The following DLC1 variants were observed in gnomAD, a reference collection of about 807,000 sequenced individuals.
DLC1 encodes the protein DLC1 Rho GTPase activating protein, also known as rho GTPase-activating protein 7.
DLC1 carries 54 observed loss-of-function variants against 140.3 expected under a neutral mutation model. The observed-to-expected ratio is 0.38, with a 90% CI of 0.31 to 0.48. DLC1 has a LOEUF of 0.48. Among genes scored for constraint, DLC1 ranks in the 20% least tolerant of loss-of-function variants. The pLI, the probability that DLC1 is intolerant of heterozygous loss-of-function variation, is 0.96. For synonymous variants in DLC1, 986 were observed against 728.1 expected, an observed-to-expected ratio of 1.35 and a Z score of -5.70; for missense variants, 2,536 against 1,907.0, an observed-to-expected ratio of 1.33 and a Z score of -6.14.
chr8:13,452,917 T>G (rs1799135267), intron 2 of DLC1, among the ~76,000 whole-genome samples: 1 of 152,180 alleles, frequency 6.6e-6, no homozygotes, highest in African/African-American at 2.4e-5. Context: ...CGGATGAGAA[T>G]GGCCATGATA....
At chr8:13,242,940 G>T (rs946088069) in intron 5 of DLC1, among the ~76,000 whole-genome samples, 18 of 152,004 alleles carry the variant, frequency 1.2e-4, no homozygotes, top group African/African-American at 4.3e-4. Context: ...TTAGAAGAGG[G>T]ACCTGGTGGG....
chr8:13,238,533 A>G (rs1208706144), intron 5 of DLC1, among the ~76,000 whole-genome samples: 2 of 151,766 alleles, frequency 1.3e-5, no homozygotes, highest in African/African-American at 2.4e-5. Flanking sequence ...AGAAAGAAAA[A>G]AAAAAGTGCT....
Position 13,111,124 on chromosome 8 carries a change from T to A in DLC1, c.1421-301A>T, listed in dbSNP as rs188253880. Among the ~76,000 whole-genome samples, 4 of 152,306 alleles carry A rather than the reference T, an allele frequency of 2.6e-5. No individual in the cohort carries two copies. In the East Asian group the frequency reaches 7.7e-4, roughly 29 times the overall value. ...AAATCAGCAGGCAATGAGTCCCCAG[T>A]AGAAATTATAATTTAAGCCACAAAG... On this transcript the variant is annotated intron_variant, in intron 6 of 17. Coordinates refer to ENST00000276297, the MANE Select transcript of DLC1 (RefSeq NM_182643.3).
At chr8:13,303,291 G>C (rs978690862) in intron 5 of DLC1, among the ~76,000 whole-genome samples, 1 of 152,116 alleles carries the variant, frequency 6.6e-6, no homozygotes, top group African/African-American at 2.4e-5. Flanking sequence ...CCTGGGGCCT[G>C]TGGAGATCAC....
Position 13,098,588 on chromosome 8 carries a change from A to G in DLC1, c.2991-13T>C. 6.2e-7 allele frequency: 1 copy of G among 1,608,834 alleles called. No homozygotes were observed. Among genetic ancestry groups the G allele is most frequent in the Non-Finnish European group, 8.5e-7 (1 of 1,177,920 alleles). On this transcript the variant is annotated splice_polypyrimidine_tract_variant and intron_variant, in intron 9 of 17. Transcript: ENST00000276297. ...TCTCAGTCGGTGCCTGCGAGAGAAGAGGAGAGGAAAATGAGTGTGAAGCCT... is the reference window on the plus strand; with the variant it reads ...TCTCAGTCGGTGCCTGCGAGAGAAGGGGAGAGGAAAATGAGTGTGAAGCCT...
At chr8:13,345,486 C>G (rs1002862263) in intron 4 of DLC1, among the ~76,000 whole-genome samples, 11 of 145,248 alleles carry the variant, frequency 7.6e-5, no homozygotes, top group African/African-American at 2.8e-4. Context: ...CCAGGGATCT[C>G]TTGGAAGAGA....
chr8:13,357,330 C>G (rs946979769), intron 4 of DLC1, among the ~76,000 whole-genome samples: 1 of 152,164 alleles, frequency 6.6e-6, no homozygotes, highest in African/African-American at 2.4e-5. Context: ...TGTTTGACAC[C>G]TATGTGTTTC....
chr8:13,138,587 T>C (rs1822736812), intron 5 of DLC1, among the ~76,000 whole-genome samples: 1 of 152,248 alleles, frequency 6.6e-6, no homozygotes, highest in African/African-American at 2.4e-5. Context: ...ATAATTTTTA[T>C]TTGTAATGTT....
At chr8:13,375,108 A>T (rs1835912286) in intron 4 of DLC1, among the ~76,000 whole-genome samples, 1 of 151,052 alleles carries the variant, frequency 6.6e-6, no homozygotes, top group Non-Finnish European at 1.5e-5. Flanking sequence ...GCTCACTGCA[A>T]GCTCCGCCTC....
intron 1 of DLC1, among the ~76,000 whole-genome samples, chr8:13,535,478 A>G (rs1331959783): frequency 1.3e-5 from 2 of 152,230 alleles, no homozygotes; most frequent in East Asian, 3.9e-4. Flanking sequence ...AAGAAATTGA[A>G]TAGATATCTC....
intron 2 of DLC1, among the ~76,000 whole-genome samples, chr8:13,446,905 G>A (rs1287908785): frequency 6.6e-6 from 1 of 151,194 alleles, no homozygotes; most frequent in Non-Finnish European, 1.5e-5. Flanking sequence ...TCGCGCCATT[G>A]TACTTCAGCC....
chr8:13,249,898 T>C (rs1267197356), intron 5 of DLC1, among the ~76,000 whole-genome samples: 1 of 152,194 alleles, frequency 6.6e-6, no homozygotes, highest in African/African-American at 2.4e-5. Flanking sequence ...CACTTGCCCA[T>C]ATCTTGTCTT....
chr8:13,396,591 G>A (rs898655953), intron 3 of DLC1, among the ~76,000 whole-genome samples: 4 of 152,100 alleles, frequency 2.6e-5, no homozygotes, highest in Admixed American at 1.3e-4. Context: ...CAAGGCTTAA[G>A]GTAAATAACT....
At chr8:13,374,840 A>G (rs1395954580) in intron 4 of DLC1, among the ~76,000 whole-genome samples, 1 of 152,150 alleles carries the variant, frequency 6.6e-6, no homozygotes, top group Non-Finnish European at 1.5e-5. Context: ...TGGAATGTTC[A>G]TTCATTTGTT....
At chr8:13,088,203 C>T (rs894727672) in intron 16 of DLC1, among the ~76,000 whole-genome samples, 1 of 152,170 alleles carries the variant, frequency 6.6e-6, no homozygotes, top group African/African-American at 2.4e-5. Flanking sequence ...CCTCGGCCTC[C>T]CGAGTAGCTA....
At chr8:13,476,800 A>T (rs758247795) in intron 2 of DLC1, among the ~76,000 whole-genome samples, 1 of 152,256 alleles carries the variant, frequency 6.6e-6, no homozygotes, top group Non-Finnish European at 1.5e-5. Flanking sequence ...TTAGTGATTG[A>T]ATTAACACAT....
At chr8:13,300,387 T>C (rs550612829) in intron 5 of DLC1, among the ~76,000 whole-genome samples, 142 of 152,328 alleles carry the variant, frequency 9.3e-4, no homozygotes, top group African/African-American at 3.2e-3. Flanking sequence ...GACACACGTT[T>C]ACCTACGTAA....
chr8:13,365,466 C>G (rs552050255), intron 4 of DLC1, among the ~76,000 whole-genome samples: 52 of 152,194 alleles, frequency 3.4e-4, no homozygotes, highest in African/African-American at 1.2e-3. Context: ...GACCCTGTGC[C>G]TTTATCCTAC....
chr8:13,214,689 C>T (rs1354656747), intron 5 of DLC1: 3 of 780,368 alleles, frequency 3.8e-6, no homozygotes, highest in East Asian at 2.4e-5. Context: ...TGTAAGGAGA[C>T]AAACCAATTG....
Sources: gnomAD v4.1 joint callset for allele counts (sites outside exome capture counted in the v4.1 genomes callset) on GRCh38, gnomAD v4.1.1 for gene constraint, MANE v1.5 for transcripts, NCBI Gene and HGNC (gene_info 2026-07-23, HGNC 2026-07-21) for gene names.